Variants in ZNF385B observed in about 807,000 individuals in gnomAD.
The protein encoded by ZNF385B is zinc finger protein 533.
In ZNF385B, 23 loss-of-function variants were observed where a neutral mutation model predicts 39.2. The ratio of observed to expected loss-of-function variants is 0.59; its 90% CI spans 0.42 to 0.83. ZNF385B has a LOEUF of 0.83. Among genes scored for constraint, ZNF385B ranks in the 40% least tolerant of loss-of-function variants. The pLI, the probability that ZNF385B is intolerant of heterozygous loss-of-function variation, is 0.00. For missense variants in ZNF385B, 552 were observed against 598.9 expected (o/e 0.92, Z 0.82); for synonymous variants, 205 against 222.6 (o/e 0.92, Z 0.70).
chr2:179,784,557 A>G (rs1281939991), intron 1 of ZNF385B, among the ~76,000 whole-genome samples: 1 of 152,054 alleles, frequency 6.6e-6, no homozygotes, highest in Non-Finnish European at 1.5e-5. Context: ...GGAAAAAGAT[A>G]TTTGCAATAC....
chr2:179,492,385 T>G (rs2055334759), intron 5 of ZNF385B, among the ~76,000 whole-genome samples: 1 of 152,182 alleles, frequency 6.6e-6, no homozygotes, highest in Non-Finnish European at 1.5e-5. Context: ...GATTCAAGTC[T>G]TCTGATGGTC....
chr2:179,452,432 G>A (rs992624547), intron 6 of ZNF385B, among the ~76,000 whole-genome samples: 8 of 151,976 alleles, frequency 5.3e-5, no homozygotes, highest in African/African-American at 1.9e-4. Context: ...TATACCAGAA[G>A]CTCTAAAAAG....
chr2:179,765,429 T>A (rs1473369196), intron 3 of ZNF385B, among the ~76,000 whole-genome samples: 3 of 152,194 alleles, frequency 2.0e-5, no homozygotes, highest in Non-Finnish European at 4.4e-5. Flanking sequence ...TGGGCTTACA[T>A]GGTTCCAGGG....
At chr2:179,685,115 C>A (rs767307751) in intron 3 of ZNF385B, among the ~76,000 whole-genome samples, 2 of 152,140 alleles carry the variant, frequency 1.3e-5, no homozygotes, top group Admixed American at 6.6e-5. Context: ...TGCTTTGGGG[C>A]CTTTCATCAA....
intron 3 of ZNF385B, among the ~76,000 whole-genome samples, chr2:179,735,571 A>G (rs1386077792): frequency 7.0e-6 from 1 of 142,772 alleles, no homozygotes; most frequent in Non-Finnish European, 1.5e-5. Flanking sequence ...TGCTATAAAG[A>G]CACATGCACA....
At chr2:179,629,575 C>T (rs1240559465) in intron 3 of ZNF385B, among the ~76,000 whole-genome samples, 1 of 152,158 alleles carries the variant, frequency 6.6e-6, no homozygotes, top group Non-Finnish European at 1.5e-5. Context: ...AGGAACAGCT[C>T]CAGTCTGCAG....
intron 3 of ZNF385B, among the ~76,000 whole-genome samples, chr2:179,661,128 GA>G (rs1466243439): frequency 2.0e-5 from 3 of 152,050 alleles, no homozygotes; most frequent in Non-Finnish European, 2.9e-5. Context: ...TTAAAAATAG[GA>G]AAACTGAGGG....
rs115458372 is a variant in ZNF385B at position 179,573,018 on chromosome 2, C to T, written c.299-28049G>A. 7.1e-3 allele frequency among the ~76,000 whole-genome samples: 1,077 copies of T among 152,170 alleles called. 17 individuals carry two copies. The highest frequency in any genetic ancestry group is 0.025 in the African/African-American group (1,041 of 41,512). On this transcript the variant is annotated intron_variant, in intron 3 of 9. Coordinates refer to ENST00000410066, the MANE Select transcript of ZNF385B (RefSeq NM_152520.6). ...AAATAATAAAGTAGCAGAATTTTCC[C>T]AATTATATTTGATTTTCAGATATTT...
intron 1 of ZNF385B, among the ~76,000 whole-genome samples, chr2:179,850,128 G>C (rs975150461): frequency 6.6e-6 from 1 of 152,104 alleles, no homozygotes; most frequent in African/African-American, 2.4e-5. Flanking sequence ...TAAAAAGCTG[G>C]GGGGGAAAGG....
At chr2:179,691,659 G>T (rs541316761) in intron 3 of ZNF385B, among the ~76,000 whole-genome samples, 3 of 152,016 alleles carry the variant, frequency 2.0e-5, no homozygotes, top group Admixed American at 1.3e-4. Flanking sequence ...GTCTAGTATT[G>T]CCAGGTAAAA....
intron 5 of ZNF385B, among the ~76,000 whole-genome samples, chr2:179,496,189 ATTC>A (rs2056183849): frequency 1.3e-5 from 2 of 152,226 alleles, no homozygotes; most frequent in Non-Finnish European, 2.9e-5. Context: ...TGCAACTGGC[ATTC>A]TGAAGAATTC....
At chr2:179,477,382 C>T (rs768438658) in intron 6 of ZNF385B, among the ~76,000 whole-genome samples, 2 of 152,194 alleles carry the variant, frequency 1.3e-5, no homozygotes, top group Admixed American at 1.3e-4. Flanking sequence ...GAACTGCCAC[C>T]ATGCAAAAGC....
chr2:179,824,858 C>G (rs1023299183), intron 1 of ZNF385B, among the ~76,000 whole-genome samples: 1 of 150,296 alleles, frequency 6.7e-6, no homozygotes, highest in Non-Finnish European at 1.5e-5. Context: ...ATGCTTTGCT[C>G]TTATGTGGGT....
intron 5 of ZNF385B, among the ~76,000 whole-genome samples, chr2:179,518,315 T>C (rs1388338607): frequency 6.6e-6 from 1 of 152,238 alleles, no homozygotes; most frequent in Non-Finnish European, 1.5e-5. Flanking sequence ...TCCATGGATA[T>C]GGACCCTGTG....
intron 3 of ZNF385B, among the ~76,000 whole-genome samples, chr2:179,737,499 C>T (rs976408381): frequency 6.6e-6 from 1 of 151,830 alleles, no homozygotes; most frequent in Non-Finnish European, 1.5e-5. Context: ...GGCTCCATAT[C>T]GCCCATCAAT....
chr2:179,656,262 G>C (rs561987312), intron 3 of ZNF385B, among the ~76,000 whole-genome samples: 14 of 152,024 alleles, frequency 9.2e-5, no homozygotes, highest in Non-Finnish European at 2.1e-4. Flanking sequence ...TTTGCAGAAA[G>C]TTTTATGTAT....
At chr2:179,743,528 T>G (rs1253440741) in intron 3 of ZNF385B, among the ~76,000 whole-genome samples, 2 of 151,988 alleles carry the variant, frequency 1.3e-5, no homozygotes, top group African/African-American at 4.8e-5. Flanking sequence ...CAAGACCACA[T>G]GAGGGAAAAA....
At chr2:179,472,311 C>T (rs889400499) in intron 6 of ZNF385B, among the ~76,000 whole-genome samples, 1 of 152,164 alleles carries the variant, frequency 6.6e-6, no homozygotes, top group African/African-American at 2.4e-5. Flanking sequence ...AAGCAAATAA[C>T]TTTTCCTAAT....
At chr2:179,540,828 AGGGT>A (rs1016333121) in intron 4 of ZNF385B, among the ~76,000 whole-genome samples, 1 of 152,182 alleles carries the variant, frequency 6.6e-6, no homozygotes, top group African/African-American at 2.4e-5. Context: ...GGAAACACAA[AGGGT>A]GGGACTTAAT....
Sources: allele counts gnomAD v4.1 joint callset (sites outside exome capture counted in the v4.1 genomes callset), GRCh38; gene constraint gnomAD v4.1.1; transcripts MANE v1.5; gene names NCBI Gene and HGNC (gene_info 2026-07-23, HGNC 2026-07-21).